Variants in ASB2 observed in about 807,000 individuals in gnomAD.
The protein encoded by ASB2 is ankyrin repeat and SOCS box protein 2.
A neutral mutation model predicts 62.4 loss-of-function variants in ASB2; 58 were observed. The ratio of observed to expected loss-of-function variants is 0.93; its 90% confidence interval spans 0.75 to 1.16. The LOEUF is 1.16. ASB2 is among the 50% of genes most tolerant of loss of function. The pLI is 0.00. For synonymous variants in ASB2, 386 were observed against 385.3 expected (o/e 1.00, Z -0.02); for missense variants, 928 against 887.9 (o/e 1.05, Z -0.57).
intron 2 of ASB2, among the ~76,000 whole-genome samples, chr14:93,959,128 A>G (rs1889323475): frequency 6.6e-6 from 1 of 152,182 alleles, no homozygotes; most frequent in Non-Finnish European, 1.5e-5. Context: ...CATTTTGCAG[A>G]TGAGGAAACA....
chr14:93,939,407 C>A lies in ASB2; in HGVS notation c.1318G>T (p.Asp440Tyr). 6.2e-7 allele frequency: 1 copy of A among 1,612,864 alleles called. No individual in the cohort carries two copies. The highest frequency in any genetic ancestry group is 8.5e-7 in the Non-Finnish European group (1 of 1,179,844). The part of the protein sequence containing the change: ...LLQHGADPNR[D>Y]VISPLLVAIR... ...GCCACGAGCAAGGGGCTGATGACGTCGCGGTTGGGGTCGGCGCCGTGTTGC... is the reference window on the plus strand; with the variant it reads ...GCCACGAGCAAGGGGCTGATGACGTAGCGGTTGGGGTCGGCGCCGTGTTGC... Residue 440 changes from aspartate (D) to tyrosine (Y), a missense_variant, in exon 8 of 10, where the codon GAC becomes TAC. Coordinates refer to ENST00000555019, the MANE Select transcript of ASB2 (RefSeq NM_001202429.2).
rs536953940 is a variant in ASB2 at position 93,955,610 on chromosome 14, C to T, written c.312-1127G>A. 81 of 168,358 alleles carry T rather than the reference C, an allele frequency of 4.8e-4. No homozygotes were observed. In the South Asian group the frequency reaches 6.0e-3, roughly 13 times the overall value. 10.4% of individuals were successfully genotyped at this position (168,358 alleles called of 1,614,324 possible). Reference sequence around the variant, plus strand: ...GGAAGGGAGGAGGGCTGGCTTTTCTCGTGGCCTTGGCGAGCAGGGCGTGGT... The same window carrying T: ...GGAAGGGAGGAGGGCTGGCTTTTCTTGTGGCCTTGGCGAGCAGGGCGTGGT... On this transcript the variant is annotated intron_variant, in intron 3 of 9. Coordinates refer to ENST00000555019, the MANE Select transcript of ASB2 (RefSeq NM_001202429.2).
intron 7 of ASB2, chr14:93,940,001 A>T (rs1888457565): frequency 3.1e-6 from 1 of 318,056 alleles, no homozygotes; most frequent in African/African-American, 2.2e-5. Context: ...GTTCTTAAAA[A>T]CCTCAGCCAG....
chr14:93,943,534 C>T (rs763989523), intron 7 of ASB2, among the ~76,000 whole-genome samples: 23 of 152,164 alleles, frequency 1.5e-4, no homozygotes, highest in Non-Finnish European at 3.2e-4. Context: ...ATCCCAGCTA[C>T]TTGGGAGGCT....
intron 7 of ASB2, chr14:93,940,168 G>A (rs144182688): frequency 2.3e-3 from 360 of 155,562 alleles, no homozygotes; most frequent in African/African-American, 7.4e-3. Context: ...GCCTAGTGGC[G>A]AAGTTTGGAG....
chr14:93,939,430 T>TGCA lies in ASB2; in HGVS notation c.1292_1294dup (p.Leu431dup), dbSNP rs755236223. 1.9e-6 allele frequency: 3 copies of TGCA among 1,612,782 alleles called. No homozygotes were observed. The East Asian group carries it at 6.7e-5, about 36-fold the overall frequency. ...GTCGCGGTTGGGGTCGGCGCCGTGT[T>TGCA]GCAGCAGCAGCTCGGTGGCGTACAC... On this transcript the variant is annotated inframe_insertion, in exon 8 of 10. Transcript: ENST00000555019.
intron 2 of ASB2, among the ~76,000 whole-genome samples, chr14:93,963,845 C>T (rs1229779522): frequency 6.6e-6 from 1 of 152,046 alleles, no homozygotes; most frequent in African/African-American, 2.4e-5. Context: ...ATCTGGATGG[C>T]GCTGCTTTAG....
Position 93,939,569 on chromosome 14 carries a change from C to G in ASB2, c.1156G>C (p.Glu386Gln), listed in dbSNP as rs763691802. 6.3e-7 allele frequency: 1 copy of G among 1,589,524 alleles called. No homozygotes were observed. Among genetic ancestry groups the G allele is most frequent in the East Asian group, 2.3e-5 (1 of 43,418 alleles). Residue 386 changes from glutamate (E) to glutamine (Q), a missense_variant, in exon 8 of 10, where the codon GAG becomes CAG. By Grantham distance (29) the Glu-to-Gln change is conservative (BLOSUM62 2). Transcript: ENST00000555019. The part of the protein sequence containing the change: ...AAERNHDEVL[E>Q]ALLSARFDVN... The stretch of plus-strand genomic sequence containing the variant: ...TCGAAGCGCGCGCTCAGCAGCGCCT[C>G]CAGCACCTCGTCGTGGTTGCGCTCG...
At position 93,939,612 on chromosome 14, in the gene ASB2, A is replaced by G. The variant is rs959378223; in HGVS notation, c.1113T>C (p.Ser371=). 6.4e-7 allele frequency: 1 copy of G among 1,556,064 alleles called. No homozygotes were observed. The highest frequency in any genetic ancestry group is 8.6e-7 in the Non-Finnish European group (1 of 1,157,994). ...TGCGCTCGGCCGCCAGGTGCAGCGG[A>G]CTGACGCCGCTACGGCGTATGCGCG... ...SRTRIRRSGV[S]PLHLAAERNH... Residue 371 remains serine, a synonymous_variant, in exon 8 of 10, where the codon AGT becomes AGC. Transcript: ENST00000555019.
chr14:93,961,305 C>T (rs1337427290), intron 2 of ASB2, among the ~76,000 whole-genome samples: 1 of 152,214 alleles, frequency 6.6e-6, no homozygotes, highest in Non-Finnish European at 1.5e-5. Context: ...GTTGCACAGC[C>T]AGTAAGTGTA....
At chr14:93,938,233 CTTTTTTTTTTT>C (rs35127276) in intron 8 of ASB2, among the ~76,000 whole-genome samples, 5 of 67,588 alleles carry the variant, frequency 7.4e-5, no homozygotes, top group African/African-American at 2.4e-4. Context: ...TAAGTTCTGA[CTTTTTTTTTTT>C]TTTTTTTTTT....
intron 1 of ASB2, 83 bp from the exon 2 acceptor site, chr14:93,964,695 A>G: frequency 1.5e-6 from 1 of 660,210 alleles, no homozygotes; most frequent in South Asian, 1.8e-5. Flanking sequence ...TATGCATTTC[A>G]CTGACAGTAA....
chr14:93,966,069 G>C (rs1211488144), intron 1 of ASB2, among the ~76,000 whole-genome samples: 1 of 152,258 alleles, frequency 6.6e-6, no homozygotes, highest in African/African-American at 2.4e-5. Context: ...GTGGTCAGTA[G>C]TTCATGGGTG....
intron 7 of ASB2, chr14:93,944,138 C>T (rs928876437): frequency 1.0e-5 from 4 of 384,474 alleles, no homozygotes; most frequent in African/African-American, 8.4e-5. Context: ...GCGGCAGCGC[C>T]ATCTCGTCAG....
chr14:93,950,932 T>G, intron 6 of ASB2, 67 bp downstream of exon 6: 1 of 1,547,556 alleles, frequency 6.5e-7, no homozygotes, highest in South Asian at 1.2e-5. Flanking sequence ...CCCTTAGAGC[T>G]GACCTCTGAC....
At chr14:93,945,627 T>C (rs1026447318) in intron 7 of ASB2, among the ~76,000 whole-genome samples, 2 of 152,128 alleles carry the variant, frequency 1.3e-5, no homozygotes, top group Non-Finnish European at 2.9e-5. Flanking sequence ...CACACCCAGA[T>C]CTGTCAGCCT....
At chr14:93,952,171 T>C (rs906567316) in intron 5 of ASB2, among the ~76,000 whole-genome samples, 1 of 152,248 alleles carries the variant, frequency 6.6e-6, no homozygotes, top group African/African-American at 2.4e-5. Context: ...CTTTCTCATC[T>C]GTAAAATGGA....
At chr14:93,967,236 CT>C (rs1016923242) in intron 1 of ASB2, among the ~76,000 whole-genome samples, 1 of 152,262 alleles carries the variant, frequency 6.6e-6, no homozygotes, top group Non-Finnish European at 1.5e-5. Flanking sequence ...CTTCCCACTC[CT>C]TTGTTGCTTC....
chr14:93,938,627 G>A (rs1327711509), intron 8 of ASB2, among the ~76,000 whole-genome samples: 1 of 152,180 alleles, frequency 6.6e-6, no homozygotes, highest in Non-Finnish European at 1.5e-5. Flanking sequence ...ACACCAGCCT[G>A]CTCTTGACAT....
Sources: allele counts gnomAD v4.1 joint callset (sites outside exome capture counted in the v4.1 genomes callset), GRCh38; gene constraint gnomAD v4.1.1; transcripts MANE v1.5; gene names NCBI Gene and HGNC (gene_info 2026-07-23, HGNC 2026-07-21).